NOS1AP: variants seen among roughly 807,000 people sequenced by gnomAD.
NOS1AP encodes the protein nitric oxide synthase 1 adaptor protein.
Under a neutral mutation model 56.2 loss-of-function variants are expected in NOS1AP, and 21 were observed. That is an observed-to-expected ratio of 0.37 (90% CI 0.26 to 0.54). The LOEUF (loss-of-function observed/expected upper bound fraction) is 0.54, where lower values mean the gene tolerates loss of function less well. Among genes scored for constraint, NOS1AP ranks in the 20% least tolerant of loss-of-function variants. The pLI is 0.84. For synonymous variants in NOS1AP, 270 were observed against 274.6 expected (o/e 0.98, Z 0.17); for missense variants, 522 against 657.8 (o/e 0.79, Z 2.26).
At chr1:162,260,351 C>G (rs1300470090) in intron 2 of NOS1AP, among the ~76,000 whole-genome samples, 1 of 152,122 alleles carries the variant, frequency 6.6e-6, no homozygotes, top group Non-Finnish European at 1.5e-5. Flanking sequence ...ACCTATGAAA[C>G]CAAGTCCTCA....
At chr1:162,275,630 T>G (rs1488515126) in intron 2 of NOS1AP, among the ~76,000 whole-genome samples, 1 of 152,220 alleles carries the variant, frequency 6.6e-6, no homozygotes, top group Non-Finnish European at 1.5e-5. Flanking sequence ...GAAACCTGCC[T>G]CACATCACAG....
In NOS1AP at chr1:162,069,845, G is replaced by C. The variant is rs1352991543; in HGVS notation, c.-333G>C. The C allele has an allele frequency of 6.3e-6, 1 of 157,518 alleles. No homozygotes were observed. 9.8% of individuals were successfully genotyped at this position (157,518 alleles called of 1,614,324 possible). On this transcript the variant is annotated 5_prime_UTR_variant, in exon 1 of 10. Coordinates refer to ENST00000361897, the MANE Select transcript of NOS1AP (RefSeq NM_014697.3). ...TGGGGCCGGCGCCGCGCCCAGTCCC[G>C]CTTCGGGCCGCAAGCCCCACCGCTC...
intron 1 of NOS1AP, among the ~76,000 whole-genome samples, chr1:162,081,755 GATAT>G (rs201239710): frequency 8.4e-5 from 6 of 71,612 alleles, no homozygotes; most frequent in Admixed American, 1.7e-4. Flanking sequence ...TATATCTATA[GATAT>G]ATATATATAT....
chr1:162,350,306 G>A (rs997558731), intron 6 of NOS1AP, among the ~76,000 whole-genome samples: 2 of 152,266 alleles, frequency 1.3e-5, no homozygotes, highest in African/African-American at 4.8e-5. Context: ...TTTCAATGAT[G>A]TTGCTCACTT....
At chr1:162,293,769 C>A (rs1655348604) in intron 3 of NOS1AP, among the ~76,000 whole-genome samples, 1 of 152,202 alleles carries the variant, frequency 6.6e-6, no homozygotes, top group Admixed American at 6.5e-5. Flanking sequence ...CATGGGACTG[C>A]AGGTAGAAGA....
chr1:162,139,742 T>A (rs10157090), intron 1 of NOS1AP, among the ~76,000 whole-genome samples: 105,637 of 152,142 alleles, frequency 0.69, 37,124 homozygotes, highest in Non-Finnish European at 0.73. Flanking sequence ...GACAAATCTG[T>A]ACCCTTGCTG....
intron 8 of NOS1AP, among the ~76,000 whole-genome samples, chr1:162,362,464 G>A (rs139190660): frequency 0.16 from 19,719 of 124,964 alleles, 1,465 homozygotes; most frequent in East Asian, 0.19. Context: ...AAAAAAAGAA[G>A]AAAAAAGAAA....
chr1:162,093,681 A>G (rs1259196710), intron 1 of NOS1AP, among the ~76,000 whole-genome samples: 10 of 151,802 alleles, frequency 6.6e-5, no homozygotes, highest in African/African-American at 1.9e-4. Flanking sequence ...CAGCCTCCTG[A>G]ATAGCTGGGA....
At chr1:162,110,800 A>T (rs936703209) in intron 1 of NOS1AP, among the ~76,000 whole-genome samples, 14 of 152,214 alleles carry the variant, frequency 9.2e-5, no homozygotes, top group African/African-American at 2.9e-4. Flanking sequence ...GTACATATTA[A>T]AGTTGTATTT....
At chr1:162,112,837 T>C (rs1044801803) in intron 1 of NOS1AP, among the ~76,000 whole-genome samples, 1 of 152,258 alleles carries the variant, frequency 6.6e-6, no homozygotes, top group Non-Finnish European at 1.5e-5. Context: ...ATTAGCATTA[T>C]AAGCATGTCA....
chr1:162,334,306 T>C (rs946672169), intron 5 of NOS1AP, among the ~76,000 whole-genome samples: 2 of 152,160 alleles, frequency 1.3e-5, no homozygotes, highest in African/African-American at 4.8e-5. Flanking sequence ...ACTGGAAAGA[T>C]GGCAGGAATA....
chr1:162,128,252 A>G (rs1001618788), intron 1 of NOS1AP, among the ~76,000 whole-genome samples: 8 of 152,114 alleles, frequency 5.3e-5, no homozygotes, highest in African/African-American at 1.9e-4. Flanking sequence ...TTGTCCCAAC[A>G]TTGTTTATTA....
intron 5 of NOS1AP, among the ~76,000 whole-genome samples, chr1:162,334,718 G>A (rs541124665): frequency 2.0e-4 from 31 of 152,278 alleles, no homozygotes; most frequent in African/African-American, 6.5e-4. Flanking sequence ...TACAAATAAC[G>A]CATTATCATT....
At chr1:162,098,238 C>A (rs1020365142) in intron 1 of NOS1AP, among the ~76,000 whole-genome samples, 10 of 147,634 alleles carry the variant, frequency 6.8e-5, no homozygotes, top group Non-Finnish European at 1.0e-4. Flanking sequence ...TTCTGAGTAG[C>A]TGGGACCACA....
At chr1:162,334,178 C>T (rs1232272263) in intron 5 of NOS1AP, among the ~76,000 whole-genome samples, 1 of 152,180 alleles carries the variant, frequency 6.6e-6, no homozygotes, top group Admixed American at 6.5e-5. Flanking sequence ...ACCCTAGCTC[C>T]ACAAAGAGAA....
At chr1:162,190,764 C>T (rs953930793) in intron 2 of NOS1AP, among the ~76,000 whole-genome samples, 8 of 150,562 alleles carry the variant, frequency 5.3e-5, no homozygotes, top group African/African-American at 7.5e-5. Flanking sequence ...ACCCTCTTCC[C>T]CCTACCCTTC....
chr1:162,128,524 A>G (rs1186781856), intron 1 of NOS1AP, among the ~76,000 whole-genome samples: 1 of 152,204 alleles, frequency 6.6e-6, no homozygotes, highest in Non-Finnish European at 1.5e-5. Flanking sequence ...ATTCAATGTT[A>G]TATTAAATAT....
chr1:162,132,847 G>C (rs1648811617), intron 1 of NOS1AP, among the ~76,000 whole-genome samples: 1 of 152,130 alleles, frequency 6.6e-6, no homozygotes, highest in African/African-American at 2.4e-5. Context: ...ATGGATAAAG[G>C]TCTGTTTCTG....
chr1:162,212,092 T>A (rs974112963), intron 2 of NOS1AP, among the ~76,000 whole-genome samples: 4 of 152,166 alleles, frequency 2.6e-5, no homozygotes, highest in Non-Finnish European at 5.9e-5. Context: ...GCCTTGCCTG[T>A]GTTGCTGAGT....
Sources: gnomAD v4.1 joint callset for allele counts (sites outside exome capture counted in the v4.1 genomes callset) on GRCh38, gnomAD v4.1.1 for gene constraint, MANE v1.5 for transcripts, NCBI Gene and HGNC (gene_info 2026-07-23, HGNC 2026-07-21) for gene names.